The following ATP8A1 variants were observed in gnomAD, a reference collection of about 807,000 sequenced individuals.
ATP8A1 encodes the protein ATPase phospholipid transporting 8A1, also known as phospholipid-transporting ATPase IA.
A neutral mutation model predicts 177.7 loss-of-function variants in ATP8A1; 90 were observed. The ratio of observed to expected loss-of-function variants is 0.51; its 90% CI spans 0.43 to 0.60. ATP8A1 has a LOEUF of 0.60. Among genes scored for constraint, ATP8A1 ranks in the 20% least tolerant of loss-of-function variants. The pLI is 0.00. For missense variants in ATP8A1, 1,072 were observed against 1,392.8 expected (o/e 0.77, Z 3.67); for synonymous variants, 493 against 485.9 (o/e 1.01, Z -0.19).
chr4:42,507,808 A>AC lies in ATP8A1; in HGVS notation c.1948-655_1948-654insG, dbSNP rs1560403060. Among the ~76,000 whole-genome samples the AC allele has an allele frequency of 3.4e-5, 5 of 145,146 alleles. No individual in the cohort carries two copies. The East Asian group carries it at 9.8e-4, about 29-fold the overall frequency. Reference sequence around the variant, plus strand: ...AAAAAAAAAAAAAAAAAAAAAAAAAAACATACAAACAGCTATGGGAGACTA... The same window carrying AC: ...AAAAAAAAAAAAAAAAAAAAAAAAAACACATACAAACAGCTATGGGAGACTA... On this transcript the variant is annotated intron_variant, in intron 22 of 36. Transcript: ENST00000381668.
At chr4:42,438,119 TGAGAG>T (rs1416731104) in intron 33 of ATP8A1, among the ~76,000 whole-genome samples, 1 of 151,928 alleles carries the variant, frequency 6.6e-6, no homozygotes, top group Non-Finnish European at 1.5e-5. Flanking sequence ...AAAGAAAAGA[TGAGAG>T]AAGAAATGGA....
At position 42,503,469 on chromosome 4, in the gene ATP8A1, A is replaced by G. The variant is rs745855609; in HGVS notation, c.2132T>C (p.Ile711Thr). 19 of 1,606,752 alleles carry G rather than the reference A, an allele frequency of 1.2e-5. No individual in the cohort carries two copies. In the Admixed American group the frequency reaches 1.5e-4, roughly 13 times the overall value. Reference sequence around the variant, plus strand: ...ACTTACATCAAGAGAGCCTTCATTTATAACAATCATTCCCATGTTCTTCTT... The same window carrying G: ...ACTTACATCAAGAGAGCCTTCATTTGTAACAATCATTCCCATGTTCTTCTT... Reference protein sequence around the residue: ...LLKKNMGMIVINEGSLDGTRE... With the variant: ...LLKKNMGMIVTNEGSLDGTRE... Residue 711 changes from isoleucine (I) to threonine (T), a missense_variant, in exon 24 of 37, where the codon ATA becomes ACA. Transcript: ENST00000381668.
intron 1 of ATP8A1, among the ~76,000 whole-genome samples, chr4:42,639,335 A>G (rs1248666504): frequency 2.0e-5 from 3 of 152,116 alleles, no homozygotes; most frequent in Non-Finnish European, 4.4e-5. Context: ...AACGTTAGAG[A>G]CCACTCGATT....
intron 26 of ATP8A1, 45 bp from the exon 27 acceptor site, chr4:42,464,845 A>T (rs774130351): frequency 6.2e-7 from 1 of 1,612,292 alleles, no homozygotes; most frequent in East Asian, 2.2e-5. Flanking sequence ...TTTTCAAAGC[A>T]TCAGTTGACT....
At chr4:42,619,597 AATCT>A (rs1248597793) in intron 4 of ATP8A1, among the ~76,000 whole-genome samples, 1 of 148,430 alleles carries the variant, frequency 6.7e-6, no homozygotes, top group Non-Finnish European at 1.5e-5. Context: ...ACTATATTTT[AATCT>A]ATCTATCTAC....
At position 42,498,706 on chromosome 4, in the gene ATP8A1, T is replaced by A. The variant is rs1048475361; in HGVS notation, c.2151+4744A>T. Among the ~76,000 whole-genome samples, 4 of 151,820 alleles carry A rather than the reference T, an allele frequency of 2.6e-5. No homozygotes were observed. The East Asian group carries it at 5.8e-4, about 22-fold the overall frequency. On this transcript the variant is annotated intron_variant, in intron 24 of 36. Transcript: ENST00000381668. The stretch of plus-strand genomic sequence containing the variant: ...GAAATAATAATACTAAAAAAAAAAA[T>A]GATGATGATGTCCAGCATTGTTTCT...
At chr4:42,441,681 A>C (rs1577938193) in intron 33 of ATP8A1, among the ~76,000 whole-genome samples, 2 of 152,144 alleles carry the variant, frequency 1.3e-5, no homozygotes, top group Non-Finnish European at 2.9e-5. Flanking sequence ...ACCCACATCC[A>C]TACCCACACC....
intron 35 of ATP8A1, among the ~76,000 whole-genome samples, chr4:42,419,130 CT>C (rs1713573532): frequency 6.6e-6 from 1 of 152,240 alleles, no homozygotes; most frequent in African/African-American, 2.4e-5. Flanking sequence ...AATCAGATTT[CT>C]GTTTCACAGC....
At chr4:42,526,549 C>T (rs1458631904) in intron 20 of ATP8A1, among the ~76,000 whole-genome samples, 2 of 152,090 alleles carry the variant, frequency 1.3e-5, no homozygotes, top group Non-Finnish European at 2.9e-5. Context: ...GCAAGACTGG[C>T]CTAGCCTCTC....
At chr4:42,534,703 T>C (rs1000942890) in intron 20 of ATP8A1, among the ~76,000 whole-genome samples, 2 of 152,162 alleles carry the variant, frequency 1.3e-5, no homozygotes, top group East Asian at 1.9e-4. Flanking sequence ...CCTCGGCACA[T>C]AGTCGGCAGG....
At chr4:42,558,312 G>C (rs1730459183) in intron 15 of ATP8A1, among the ~76,000 whole-genome samples, 1 of 152,178 alleles carries the variant, frequency 6.6e-6, no homozygotes, top group Non-Finnish European at 1.5e-5. Flanking sequence ...ATCAACATTT[G>C]GTTACATCTT....
At chr4:42,499,617 CAT>C (rs994150832) in intron 24 of ATP8A1, among the ~76,000 whole-genome samples, 2 of 152,148 alleles carry the variant, frequency 1.3e-5, no homozygotes, top group African/African-American at 4.8e-5. Context: ...CTCAATGAAA[CAT>C]GTCTTCAAAA....
At chr4:42,509,322 C>T (rs924066229) in intron 22 of ATP8A1, among the ~76,000 whole-genome samples, 2 of 152,210 alleles carry the variant, frequency 1.3e-5, no homozygotes, top group African/African-American at 4.8e-5. Flanking sequence ...TGGCTAACCC[C>T]AACTATTTGT....
At chr4:42,613,097 A>C (rs990164812) in intron 5 of ATP8A1, among the ~76,000 whole-genome samples, 2 of 152,206 alleles carry the variant, frequency 1.3e-5, no homozygotes, top group African/African-American at 4.8e-5. Context: ...ATTGAATTTC[A>C]TTCTGGCCTA....
chr4:42,619,197 T>C (rs907279486), intron 4 of ATP8A1, among the ~76,000 whole-genome samples: 2 of 152,128 alleles, frequency 1.3e-5, no homozygotes, highest in Admixed American at 6.6e-5. Flanking sequence ...ATCTCTTCTA[T>C]TGGATATAAG....
chr4:42,480,038 G>A (rs953446311), intron 25 of ATP8A1, among the ~76,000 whole-genome samples: 6 of 150,558 alleles, frequency 4.0e-5, no homozygotes, highest in African/African-American at 1.5e-4. Context: ...GTGTACTGGT[G>A]ATGGTGGCAA....
intron 5 of ATP8A1, among the ~76,000 whole-genome samples, chr4:42,609,669 G>A (rs1454054870): frequency 1.3e-5 from 2 of 152,070 alleles, no homozygotes; most frequent in African/African-American, 4.8e-5. Context: ...ATTTGACTGG[G>A]TTTCTCTCCA....
At chr4:42,572,554 A>AT (rs1162937739) in intron 14 of ATP8A1, among the ~76,000 whole-genome samples, 1 of 152,218 alleles carries the variant, frequency 6.6e-6, no homozygotes, top group African/African-American at 2.4e-5. Context: ...GGGAACACTG[A>AT]TAAAAACTCA....
At chr4:42,552,377 T>C in intron 17 of ATP8A1, 128 bp downstream of exon 17, 1 of 703,878 alleles carries the variant, frequency 1.4e-6, no homozygotes, top group Non-Finnish European at 2.3e-6. Context: ...GCCAAGGTTT[T>C]TCTAATTGGT....
Sources: gnomAD v4.1 joint callset for allele counts (sites outside exome capture counted in the v4.1 genomes callset) on GRCh38, gnomAD v4.1.1 for gene constraint, MANE v1.5 for transcripts, NCBI Gene and HGNC (gene_info 2026-07-23, HGNC 2026-07-21) for gene names.